MPP7: variants seen among roughly 807,000 people sequenced by gnomAD.
The protein encoded by MPP7 is MAGUK p55 subfamily member 7.
MPP7 carries 60 observed loss-of-function variants against 76.5 expected under a neutral mutation model. That is an observed-to-expected ratio of 0.78 (90% CI 0.64 to 0.97). The LOEUF is 0.97. Among genes scored for constraint, MPP7 ranks in the 50% least tolerant of loss-of-function variants. MPP7 has a pLI of 0.00. For synonymous variants in MPP7, 237 were observed against 244.5 expected (o/e 0.97, Z 0.29); for missense variants, 641 against 694.0 (o/e 0.92, Z 0.86).
intron 1 of MPP7, among the ~76,000 whole-genome samples, chr10:28,292,215 T>G (rs1035423950): frequency 1.1e-4 from 16 of 152,220 alleles, no homozygotes; most frequent in Non-Finnish European, 2.9e-5. Flanking sequence ...GGCTGTGTTA[T>G]CTACATTTGT....
At chr10:28,086,524 C>T (rs1011184835) in intron 12 of MPP7, among the ~76,000 whole-genome samples, 20 of 152,132 alleles carry the variant, frequency 1.3e-4, no homozygotes, top group African/African-American at 4.6e-4. Context: ...AGCATTCAGA[C>T]AGGAGAAGCG....
intron 1 of MPP7, among the ~76,000 whole-genome samples, chr10:28,252,077 C>T (rs1432775045): frequency 6.6e-6 from 1 of 152,134 alleles, no homozygotes; most frequent in Non-Finnish European, 1.5e-5. Flanking sequence ...CTCAAATTAT[C>T]GGTTACTGCC....
chr10:28,087,554 CCTGA>C (rs1388126942), intron 12 of MPP7, among the ~76,000 whole-genome samples: 31 of 152,264 alleles, frequency 2.0e-4, no homozygotes, highest in Non-Finnish European at 2.9e-4. Context: ...TGCCACTACA[CCTGA>C]CTAATTTTTA....
At chr10:28,149,064 C>A (rs146887533) in intron 4 of MPP7, among the ~76,000 whole-genome samples, 5 of 152,026 alleles carry the variant, frequency 3.3e-5, no homozygotes. Flanking sequence ...ACAAATAGCA[C>A]GCAACTTGCA....
At chr10:28,311,085 A>T (rs192340536) in intron 2 of MPP7, among the ~76,000 whole-genome samples, 1 of 152,330 alleles carries the variant, frequency 6.6e-6, no homozygotes, top group East Asian at 1.9e-4. Context: ...AGATTTACTG[A>T]ACTAACTCAT....
At chr10:28,283,547 C>T (rs1840729051) in intron 1 of MPP7, among the ~76,000 whole-genome samples, 1 of 152,054 alleles carries the variant, frequency 6.6e-6, no homozygotes, top group African/African-American at 2.4e-5. Flanking sequence ...CAGAGTCTCA[C>T]TCTTCCACTC....
intron 12 of MPP7, among the ~76,000 whole-genome samples, chr10:28,079,736 G>C (rs549365348): frequency 6.6e-5 from 10 of 152,208 alleles, no homozygotes; most frequent in African/African-American, 2.2e-4. Flanking sequence ...CATTCTGAGC[G>C]AATGAATAAA....
At chr10:28,252,227 T>C (rs1350699572) in intron 1 of MPP7, among the ~76,000 whole-genome samples, 1 of 152,258 alleles carries the variant, frequency 6.6e-6, no homozygotes, top group African/African-American at 2.4e-5. Context: ...GATTTCATTA[T>C]CTTAAGATCA....
At chr10:28,297,680 CA>C (rs1394359198) in intron 1 of MPP7, among the ~76,000 whole-genome samples, 2 of 151,984 alleles carry the variant, frequency 1.3e-5, no homozygotes, top group African/African-American at 4.8e-5. Context: ...GCCTGGGCAA[CA>C]GAGCGAGACT....
intron 1 of MPP7, among the ~76,000 whole-genome samples, chr10:28,272,022 T>C (rs7091031): frequency 0.15 from 22,656 of 151,888 alleles, 1,767 homozygotes; most frequent in South Asian, 0.19. Flanking sequence ...AGGATGCATG[T>C]TTGAATAAAA....
intron 11 of MPP7, among the ~76,000 whole-genome samples, chr10:28,103,274 C>G (rs926169388): frequency 6.6e-6 from 1 of 150,414 alleles, no homozygotes. Flanking sequence ...TGCCTTTGAA[C>G]ACACTGTCAG....
At chr10:28,331,992 T>A (rs1284138847) in intron 1 of MPP7, among the ~76,000 whole-genome samples, 1 of 152,198 alleles carries the variant, frequency 6.6e-6, no homozygotes, top group Admixed American at 6.5e-5. Context: ...AGAAATTGTA[T>A]TTCTGCCCTC....
chr10:28,093,225 T>C (rs1415710434), intron 11 of MPP7, among the ~76,000 whole-genome samples: 1 of 152,118 alleles, frequency 6.6e-6, no homozygotes, highest in Non-Finnish European at 1.5e-5. Context: ...TAAATTCCTT[T>C]ATAATTATTC....
At position 28,057,982 on chromosome 10, in the gene MPP7, G is replaced by A; in HGVS notation, c.1407+513C>T. 8.7e-6 allele frequency: 6 copies of A among 687,540 alleles called. 1 individual carries two copies. Among genetic ancestry groups the A allele is most frequent in the Non-Finnish European group, 1.2e-5 (6 of 504,806 alleles). 42.6% of individuals were successfully genotyped at this position (687,540 alleles called of 1,614,324 possible). ...TAATGGAGTTTCCAGGATGACAGGT[G>A]CAGACATGGCAGTTGCAATGGGGCT... On this transcript the variant is annotated intron_variant, in intron 15 of 16. Coordinates refer to ENST00000683449, the MANE Select transcript of MPP7 (RefSeq NM_001318170.2).
At chr10:28,199,277 C>T (rs1036005468) in intron 3 of MPP7, among the ~76,000 whole-genome samples, 7 of 152,146 alleles carry the variant, frequency 4.6e-5, no homozygotes, top group African/African-American at 1.4e-4. Context: ...CACAGCTAAA[C>T]CATATCAATA....
intron 11 of MPP7, among the ~76,000 whole-genome samples, chr10:28,107,190 C>T (rs1834352787): frequency 6.6e-6 from 1 of 152,126 alleles, no homozygotes; most frequent in South Asian, 2.1e-4. Context: ...TCTTTCCGTG[C>T]TATTTTCTTC....
intron 3 of MPP7, among the ~76,000 whole-genome samples, chr10:28,173,876 C>A (rs1416870756): frequency 3.9e-5 from 6 of 152,174 alleles, no homozygotes; most frequent in Non-Finnish European, 7.3e-5. Flanking sequence ...GATATTCATT[C>A]TCACCAAATT....
At chr10:28,149,045 G>A (rs1221510725) in intron 4 of MPP7, among the ~76,000 whole-genome samples, 2 of 152,014 alleles carry the variant, frequency 1.3e-5, no homozygotes, top group African/African-American at 4.8e-5. Flanking sequence ...AAAGAAAAAT[G>A]GGAACTAAAC....
intron 2 of MPP7, among the ~76,000 whole-genome samples, chr10:28,206,634 T>C (rs1002206968): frequency 6.6e-6 from 1 of 152,184 alleles, no homozygotes; most frequent in East Asian, 1.9e-4. Flanking sequence ...TACAATAACT[T>C]TGTAAATAAT....
Sources: allele counts gnomAD v4.1 joint callset (sites outside exome capture counted in the v4.1 genomes callset), GRCh38; gene constraint gnomAD v4.1.1; transcripts MANE v1.5; gene names NCBI Gene and HGNC (gene_info 2026-07-23, HGNC 2026-07-21).